Variants in ITIH5 observed in about 807,000 individuals in gnomAD.
ITIH5 encodes the protein inter-alpha-trypsin inhibitor heavy chain H5.
In ITIH5, 65 loss-of-function variants were observed where a neutral mutation model predicts 77.5. That is an observed-to-expected ratio of 0.84 (90% CI 0.69 to 1.03). ITIH5 has a LOEUF of 1.03. ITIH5 is among the 50% of genes least tolerant of loss of function. ITIH5 has a pLI of 0.00. For synonymous variants in ITIH5, 525 were observed against 494.3 expected (o/e 1.06, Z -0.82); for missense variants, 1,208 against 1,213.1 (o/e 1.00, Z 0.06).
chr10:7,648,160 C>T (rs2018181), intron 2 of ITIH5, among the ~76,000 whole-genome samples: 30,985 of 150,964 alleles, frequency 0.21, 3,897 homozygotes, highest in Non-Finnish European at 0.29. Context: ...AGGAGAATAG[C>T]GTGAACCTGG....
chr10:7,621,526 TCA>T (rs1320831368), intron 5 of ITIH5: 1 of 152,172 alleles, frequency 6.6e-6, no homozygotes, highest in Non-Finnish European at 1.5e-5. Flanking sequence ...GGGTTGATTC[TCA>T]GTTTGGTTAC....
Position 7,561,797 on chromosome 10 carries a change from G to A in ITIH5, c.*1286C>T, listed in dbSNP as rs2130930641. ...TCTGGTGTCAAGCCCCGTGGAAGAAGCCTCTTGTGAGGCCAGCCCCAGAGC... is the reference window on the plus strand; with the variant it reads ...TCTGGTGTCAAGCCCCGTGGAAGAAACCTCTTGTGAGGCCAGCCCCAGAGC... On this transcript the variant is annotated 3_prime_UTR_variant, in exon 14 of 14. Transcript: ENST00000397146. 1 of 152,320 alleles carries A rather than the reference G, an allele frequency of 6.6e-6. No homozygotes were observed. The highest frequency in any genetic ancestry group is 2.1e-4 in the South Asian group (1 of 4,822). The allele number at this position is 152,320 out of a possible 1,614,324, so 9.4% of individuals were successfully genotyped here.
intron 7 of ITIH5, among the ~76,000 whole-genome samples, chr10:7,606,300 T>C (rs7101089): frequency 0.87 from 132,747 of 152,212 alleles, 58,370 homozygotes; most frequent in Non-Finnish European, 0.93. Flanking sequence ...GACACACATA[T>C]GCATATGTTT....
At chr10:7,578,005 G>A (rs369173776) in intron 9 of ITIH5, among the ~76,000 whole-genome samples, 47 of 152,310 alleles carry the variant, frequency 3.1e-4, no homozygotes, top group African/African-American at 1.1e-3. Flanking sequence ...AGTGAGATGT[G>A]CAACTTCTCA....
chr10:7,644,939 C>CATATATAT (rs1327215546), intron 2 of ITIH5, among the ~76,000 whole-genome samples: 3 of 17,244 alleles, frequency 1.7e-4, no homozygotes, highest in African/African-American at 4.7e-4. Context: ...ATATATATCA[C>CATATATAT]ATATATATAT....
At position 7,573,211 on chromosome 10, in the gene ITIH5, AAGAG is replaced by A. The variant is rs368043887; in HGVS notation, c.1979-20_1979-17del. 30 of 1,607,832 alleles carry A rather than the reference AAGAG, an allele frequency of 1.9e-5. No individual in the cohort carries two copies. In the African/African-American group the frequency reaches 3.5e-4, roughly 19 times the overall value. On this transcript the variant is annotated splice_polypyrimidine_tract_variant and intron_variant, in intron 10 of 13. Transcript: ENST00000397146. ...AGCAAAGGTCCTAAAAGGGAGAAGG[AAGAG>A]AACATCATGGTCATTCCTTAAAGAA...
At chr10:7,607,802 G>A (rs149866386) in intron 7 of ITIH5, among the ~76,000 whole-genome samples, 206 of 152,290 alleles carry the variant, frequency 1.4e-3, no homozygotes, top group African/African-American at 4.7e-3. Context: ...CAACAAGAGC[G>A]AAGCTCAGTC....
intron 1 of ITIH5, among the ~76,000 whole-genome samples, chr10:7,663,594 G>A (rs549360740): frequency 2.0e-5 from 3 of 152,162 alleles, no homozygotes; most frequent in Non-Finnish European, 2.9e-5. Context: ...ACCTAATTTT[G>A]TAGTTATAAT....
rs113980552 is a variant in ITIH5 at position 7,647,297 on chromosome 10, A to G, written c.136-5207T>C. Among the ~76,000 whole-genome samples, 573 of 152,302 alleles carry G rather than the reference A, an allele frequency of 3.8e-3. 6 individuals carry two copies. Among genetic ancestry groups the G allele is most frequent in the East Asian group, 0.022 (112 of 5,186 alleles). On this transcript the variant is annotated intron_variant, in intron 2 of 13. Coordinates refer to ENST00000397146, the MANE Select transcript of ITIH5 (RefSeq NM_030569.7). ...ACATCCATTCATTTACATACTGTCT[A>G]TGGCTGCTTTTCTGCTACAATGGCA...
chr10:7,656,374 C>T (rs890979187), intron 1 of ITIH5, among the ~76,000 whole-genome samples: 3 of 152,092 alleles, frequency 2.0e-5, no homozygotes, highest in Non-Finnish European at 4.4e-5. Flanking sequence ...GCCGCCAGAT[C>T]GGGGTCATTT....
At chr10:7,603,476 G>A (rs1833056008) in intron 7 of ITIH5, among the ~76,000 whole-genome samples, 2 of 152,140 alleles carry the variant, frequency 1.3e-5, no homozygotes. Context: ...TAGTGGTGAT[G>A]GTTTCACAAC....
intron 7 of ITIH5, among the ~76,000 whole-genome samples, chr10:7,596,416 C>T (rs1832898279): frequency 6.6e-6 from 1 of 152,192 alleles, no homozygotes; most frequent in South Asian, 2.1e-4. Flanking sequence ...ACGGCTTCCT[C>T]CCACTTCCAT....
chr10:7,607,630 A>G (rs111664670), intron 7 of ITIH5, among the ~76,000 whole-genome samples: 3,638 of 152,336 alleles, frequency 0.024, 146 homozygotes, highest in African/African-American at 0.083. Flanking sequence ...CCTGGCCAAC[A>G]TAGTGAAACC....
intron 2 of ITIH5, among the ~76,000 whole-genome samples, chr10:7,644,951 TCACAC>T (rs1201756128): frequency 1.4e-4 from 11 of 80,316 alleles, no homozygotes; most frequent in African/African-American, 9.9e-4. Flanking sequence ...TATATATATA[TCACAC>T]ATATATATAT....
Position 7,640,760 on chromosome 10 carries a change from T to G in ITIH5, c.395A>C (p.Glu132Ala). The G allele has an allele frequency of 6.2e-7, 1 of 1,607,522 alleles. No homozygotes were observed. The highest frequency in any genetic ancestry group is 8.5e-7 in the Non-Finnish European group (1 of 1,174,306). ...VKEKRNKTTE[E>A]NGEKGTEIFR... ...TTAATTAACCAATACTTACCCATTT[T>G]CTTCTGTGGTTTTATTCCTTTTCTC... The change falls in exon 4 of 14, where the codon GAA becomes GCA. Residue 132 changes from glutamate (E) to alanine (A), a missense_variant. Coordinates refer to ENST00000397146, the MANE Select transcript of ITIH5 (RefSeq NM_030569.7).
At chr10:7,640,514 G>A (rs1234096940) in intron 4 of ITIH5, among the ~76,000 whole-genome samples, 1 of 149,894 alleles carries the variant, frequency 6.7e-6, no homozygotes, top group East Asian at 1.9e-4. Context: ...ACTACATATA[G>A]AAATATTAGA....
In ITIH5 at chr10:7,559,723, C is replaced by G. The variant is rs184577521; in HGVS notation, c.*3360G>C. The G allele has an allele frequency of 3.2e-4, 140 of 434,904 alleles. No individual in the cohort carries two copies. Among genetic ancestry groups the G allele is most frequent in the Non-Finnish European group, 5.1e-4 (111 of 218,992 alleles). 26.9% of individuals were successfully genotyped at this position (434,904 alleles called of 1,614,324 possible). ...CTCACAGTTCTGGAGGCTGGGAGGT[C>G]CAAGATCAAGGTGCCAGCAGACATG... On this transcript the variant is annotated 3_prime_UTR_variant, in exon 14 of 14. Coordinates refer to ENST00000397146, the MANE Select transcript of ITIH5 (RefSeq NM_030569.7).
At chr10:7,664,142 G>A (rs771575657) in intron 1 of ITIH5, among the ~76,000 whole-genome samples, 3 of 152,194 alleles carry the variant, frequency 2.0e-5, no homozygotes, top group African/African-American at 4.8e-5. Flanking sequence ...GCTTATGCCT[G>A]TAATCCCAGC....
chr10:7,616,971 T>C, intron 6 of ITIH5, 142 bp downstream of exon 6: 1 of 530,146 alleles, frequency 1.9e-6, no homozygotes. Flanking sequence ...CGCTAGTCTC[T>C]TTGAAGAAAT....
Sources: gnomAD v4.1 joint callset for allele counts (sites outside exome capture counted in the v4.1 genomes callset) on GRCh38, gnomAD v4.1.1 for gene constraint, MANE v1.5 for transcripts, NCBI Gene and HGNC (gene_info 2026-07-23, HGNC 2026-07-21) for gene names.